SUGCT: variants seen among roughly 807,000 people sequenced by gnomAD.
SUGCT encodes succinyl-CoA:glutarate CoA-transferase.
A neutral mutation model predicts 55.0 loss-of-function variants in SUGCT; 41 were observed. That is an observed-to-expected ratio of 0.74 (90% CI 0.58 to 0.97). SUGCT has a LOEUF of 0.97. SUGCT is among the 50% of genes least tolerant of loss of function. The pLI is 0.00. For synonymous variants in SUGCT, 187 were observed against 200.4 expected (o/e 0.93, Z 0.56); for missense variants, 568 against 547.8 (o/e 1.04, Z -0.37).
At chr7:40,907,860 C>A in the SUGCT span, among the ~76,000 whole-genome samples, 1 of 152,090 alleles carries the variant, frequency 6.6e-6, no homozygotes, top group Non-Finnish European at 1.5e-5. Flanking sequence ...GATATTGTAA[C>A]AAGAAAAGTT....
intron 11 of SUGCT, among the ~76,000 whole-genome samples, chr7:40,483,363 T>A (rs1791160305): frequency 6.6e-6 from 1 of 152,186 alleles, no homozygotes; most frequent in African/African-American, 2.4e-5. Context: ...ACAGTTTGCC[T>A]CCCCACAAAT....
At chr7:40,293,381 T>C (rs1311321298) in intron 8 of SUGCT, among the ~76,000 whole-genome samples, 1 of 152,198 alleles carries the variant, frequency 6.6e-6, no homozygotes, top group East Asian at 1.9e-4. Context: ...GAATTTCTGC[T>C]GTCTCTTTCC....
intron 12 of SUGCT, chr7:40,499,008 CG>C (rs1562819658): frequency 6.8e-6 from 3 of 442,102 alleles, no homozygotes; most frequent in Non-Finnish European, 1.4e-5. Flanking sequence ...GTATGATTTC[CG>C]TTTAAGGTAT....
At chr7:40,844,146 G>T (rs145290756) in intron 13 of SUGCT, among the ~76,000 whole-genome samples, 239 of 152,224 alleles carry the variant, frequency 1.6e-3, no homozygotes, top group African/African-American at 5.4e-3. Flanking sequence ...CTGCTGTCTG[G>T]GAAGGGGTGT....
At chr7:40,258,577 C>T (rs1472209005) in intron 7 of SUGCT, among the ~76,000 whole-genome samples, 1 of 152,168 alleles carries the variant, frequency 6.6e-6, no homozygotes, top group Non-Finnish European at 1.5e-5. Flanking sequence ...CAGAGTTTCA[C>T]CATGTTGGTC....
chr7:40,334,282 G>A (rs542182100), intron 9 of SUGCT, among the ~76,000 whole-genome samples: 21 of 152,184 alleles, frequency 1.4e-4, no homozygotes, highest in African/African-American at 5.1e-4. Flanking sequence ...GGGATGGCTG[G>A]GTCAAATGGT....
At chr7:40,706,363 C>T (rs921950981) in intron 12 of SUGCT, among the ~76,000 whole-genome samples, 9 of 152,004 alleles carry the variant, frequency 5.9e-5, no homozygotes, top group South Asian at 2.1e-4. Context: ...AAAAATTAGC[C>T]GGGAGTGGTG....
rs189172741 is a variant in SUGCT, at chr7:40,309,830, C to T, written c.721-6930C>T. On this transcript the variant is annotated intron_variant, in intron 8 of 13. Coordinates refer to ENST00000335693, the MANE Select transcript of SUGCT (RefSeq NM_001193313.2). ...ACCAATGGAGAGAGGTCCTAATGGCCAAAACTGGAATAATTTGATCAACAA... is the reference window on the plus strand; with the variant it reads ...ACCAATGGAGAGAGGTCCTAATGGCTAAAACTGGAATAATTTGATCAACAA... Among the ~76,000 whole-genome samples, 29 of 144,902 alleles carry T rather than the reference C, an allele frequency of 2.0e-4. 1 individual carries two copies. Among genetic ancestry groups the T allele is most frequent in the African/African-American group, 6.9e-4 (27 of 38,958 alleles).
chr7:40,610,403 G>T (rs565449960), intron 12 of SUGCT, among the ~76,000 whole-genome samples: 1 of 152,244 alleles, frequency 6.6e-6, no homozygotes, highest in East Asian at 1.9e-4. Flanking sequence ...TTAACTTTGT[G>T]ATATATTTTT....
chr7:40,141,710 CT>C (rs61007273), intron 1 of SUGCT: 12,472 of 149,858 alleles, frequency 0.083, 1,005 homozygotes, highest in African/African-American at 0.24. Context: ...AGAGGGAATT[CT>C]TTTTTTTTTT....
chr7:41,025,539 T>G, the SUGCT span, among the ~76,000 whole-genome samples: 21 of 152,122 alleles, frequency 1.4e-4, no homozygotes, highest in African/African-American at 4.3e-4. Context: ...CTAAAAATAG[T>G]AGAGATAGGA....
At chr7:40,565,408 G>A (rs1478843412) in intron 12 of SUGCT, among the ~76,000 whole-genome samples, 1 of 152,186 alleles carries the variant, frequency 6.6e-6, no homozygotes, top group Admixed American at 6.5e-5. Context: ...ATGGAATAAA[G>A]GTCTAATGGT....
chr7:40,898,891 C>T, the SUGCT span, among the ~76,000 whole-genome samples: 1 of 151,972 alleles, frequency 6.6e-6, no homozygotes, highest in Non-Finnish European at 1.5e-5. Flanking sequence ...ACAGTCAAAA[C>T]TTCCTAGGTA....
At chr7:40,415,719 C>T (rs2151356720) in intron 9 of SUGCT, among the ~76,000 whole-genome samples, 1 of 152,130 alleles carries the variant, frequency 6.6e-6, no homozygotes, top group African/African-American at 2.4e-5. Flanking sequence ...AGATAGATAA[C>T]TAGTTTTGAC....
chr7:40,197,325 A>G (rs1584317274), intron 6 of SUGCT, among the ~76,000 whole-genome samples: 1 of 152,358 alleles, frequency 6.6e-6, no homozygotes, highest in Non-Finnish European at 1.5e-5. Context: ...TTGTAATCTA[A>G]TGGAAATGTT....
the SUGCT span, among the ~76,000 whole-genome samples, chr7:40,998,197 G>T: frequency 6.6e-6 from 1 of 152,046 alleles, no homozygotes; most frequent in Admixed American, 6.6e-5. Context: ...TGAAACCCCC[G>T]TTTGTACTAA....
At chr7:40,949,720 C>G in the SUGCT span, among the ~76,000 whole-genome samples, 1 of 152,046 alleles carries the variant, frequency 6.6e-6, no homozygotes, top group African/African-American at 2.4e-5. Flanking sequence ...GAATCCTTTC[C>G]CCATTTCTTG....
intron 13 of SUGCT, among the ~76,000 whole-genome samples, chr7:40,842,159 C>T (rs1250237729): frequency 1.3e-5 from 2 of 151,912 alleles, no homozygotes; most frequent in Non-Finnish European, 2.9e-5. Flanking sequence ...ACAACAGACA[C>T]ATATCATTAT....
the SUGCT span, among the ~76,000 whole-genome samples, chr7:40,996,404 G>A: frequency 6.6e-6 from 1 of 152,150 alleles, no homozygotes; most frequent in African/African-American, 2.4e-5. Context: ...GGTCACAGTT[G>A]GAGCAGTGAG....
Sources: gnomAD v4.1 joint callset for allele counts (sites outside exome capture counted in the v4.1 genomes callset) on GRCh38, gnomAD v4.1.1 for gene constraint, MANE v1.5 for transcripts, NCBI Gene and HGNC (gene_info 2026-07-23, HGNC 2026-07-21) for gene names.